Variants in CRMP1 observed in about 807,000 individuals in gnomAD.
The protein encoded by CRMP1 is collapsin response mediator protein 1, also known as dihydropyrimidinase-related protein 1.
CRMP1 carries 19 observed loss-of-function variants against 68.3 expected under a neutral mutation model. The ratio of observed to expected loss-of-function variants is 0.28; its 90% CI spans 0.19 to 0.41. The LOEUF (loss-of-function observed/expected upper bound fraction) is 0.41, where lower values mean the gene tolerates loss of function less well. CRMP1 is among the 10% of genes least tolerant of loss of function. The pLI, the probability that CRMP1 is intolerant of heterozygous loss-of-function variation, is 1.00. For synonymous variants in CRMP1, 439 were observed against 399.6 expected, an observed-to-expected ratio of 1.10 and a Z score of -1.18; for missense variants, 791 against 967.4, an observed-to-expected ratio of 0.82 and a Z score of 2.42.
chr4:5,860,877 C>G lies in CRMP1; in HGVS notation c.655+149G>C. 2.7e-6 allele frequency: 2 copies of G among 747,792 alleles called. No individual in the cohort carries two copies. The highest frequency in any genetic ancestry group is 4.2e-6 in the Non-Finnish European group (2 of 475,510). The allele number at this position is 747,792 out of a possible 1,614,324, so 46.3% of individuals were successfully genotyped here. ...GGCACACACGGTATGCTCTGTAAAA[C>G]AGTGACCTGTGTCATAGGGCTGGGG... On this transcript the variant is annotated intron_variant, in intron 3 of 13. Coordinates refer to ENST00000324989, the MANE Select transcript of CRMP1 (RefSeq NM_001014809.3). This position sits in a 1 kb window ranked among gnomAD's most constrained non-coding sequence, Gnocchi z 4.2.
At position 5,892,569 on chromosome 4, in the gene CRMP1, C is replaced by T. The variant is rs557047592; in HGVS notation, c.381+20G>A. 3.7e-4 allele frequency: 429 copies of T among 1,174,036 alleles called. 2 individuals are homozygous for T. The East Asian group carries it at 0.015, about 42-fold the overall frequency. 72.7% of individuals were successfully genotyped at this position (1,174,036 alleles called of 1,614,324 possible). A position where few individuals can be genotyped will look rare whatever the true frequency, so the allele number is the denominator to read the frequency against. ...CGGGGCCCGCCCCCCTCGTCTGGCC[C>T]GCGCGCGCCCCGAGGGTACCTGGCC... On this transcript the variant is annotated intron_variant, in intron 1 of 13. Transcript: ENST00000324989. The surrounding 1 kb of genome is among the most constrained non-coding windows in gnomAD (Gnocchi z 8.6).
At chr4:5,835,866 T>C (rs770223786) in intron 11 of CRMP1, 49 bp downstream of exon 11, 3 of 1,376,996 alleles carry the variant, frequency 2.2e-6, no homozygotes, top group Admixed American at 2.8e-5. Flanking sequence ...TAAAAATGAT[T>C]ACAACGAAGA....
intron 4 of CRMP1, among the ~76,000 whole-genome samples, chr4:5,852,462 C>T (rs370809153): frequency 3.7e-4 from 56 of 152,362 alleles, no homozygotes; most frequent in East Asian, 2.3e-3. Flanking sequence ...GGAAACCAGG[C>T]GTGTTCCTCC....
At chr4:5,887,310 G>C (rs1715658456) in intron 1 of CRMP1, 1 of 974,666 alleles carries the variant, frequency 1.0e-6, no homozygotes, top group African/African-American at 1.8e-5. Flanking sequence ...GTCTCCAGTA[G>C]TCAAACCTCT....
At chr4:5,823,041 T>A (rs529085267) in intron 13 of CRMP1, among the ~76,000 whole-genome samples, 2 of 152,246 alleles carry the variant, frequency 1.3e-5, no homozygotes, top group East Asian at 1.9e-4. Context: ...TCTTGGTGAA[T>A]TTTTTTTACT....
In CRMP1 at chr4:5,883,315, T is replaced by G. The variant is rs1356624332; in HGVS notation, c.381+9274A>C. Among the ~76,000 whole-genome samples the G allele has an allele frequency of 6.6e-6, 1 of 151,388 alleles. No homozygotes were observed. Among genetic ancestry groups the G allele is most frequent in the Admixed American group, 6.6e-5 (1 of 15,200 alleles). On this transcript the variant is annotated intron_variant, in intron 1 of 13. Coordinates refer to ENST00000324989, the MANE Select transcript of CRMP1 (RefSeq NM_001014809.3). The surrounding 1 kb of genome is among the most constrained non-coding windows in gnomAD (Gnocchi z 4.5). Reference sequence around the variant, plus strand: ...ATCTTTCTCTTTCTTTCTTCTTTTTTGTTTGAGAGAGTCTCATTCTGTCGC... The same window carrying G: ...ATCTTTCTCTTTCTTTCTTCTTTTTGGTTTGAGAGAGTCTCATTCTGTCGC...
In CRMP1 at chr4:5,891,223, T is replaced by C. The variant is rs1715936316; in HGVS notation, c.381+1366A>G. On this transcript the variant is annotated intron_variant, in intron 1 of 13. Coordinates refer to ENST00000324989, the MANE Select transcript of CRMP1 (RefSeq NM_001014809.3). This position sits in a 1 kb window ranked among gnomAD's most constrained non-coding sequence, Gnocchi z 5.2. Reference sequence around the variant, plus strand: ...ACACACACACACACACCCTTGCTGTTGGACCTCTCCCTCGCGAGGCTCCGG... The same window carrying C: ...ACACACACACACACACCCTTGCTGTCGGACCTCTCCCTCGCGAGGCTCCGG... Among the ~76,000 whole-genome samples the C allele has an allele frequency of 1.0e-5, 1 of 97,982 alleles. No individual in the cohort carries two copies. Among genetic ancestry groups the C allele is most frequent in the Non-Finnish European group, 2.4e-5 (1 of 41,398 alleles). The allele number at this position is 97,982 out of a possible 152,430, so 64.3% of individuals were successfully genotyped here. A position where few individuals can be genotyped will look rare whatever the true frequency, so the allele number is the denominator to read the frequency against.
chr4:5,837,954 G>A (rs1720840755), intron 9 of CRMP1, among the ~76,000 whole-genome samples: 2 of 152,194 alleles, frequency 1.3e-5, no homozygotes, highest in African/African-American at 2.4e-5. Flanking sequence ...TGAGGGATGG[G>A]GGAGACTGGC....
At chr4:5,824,963 G>C in intron 13 of CRMP1, 2 of 985,404 alleles carry the variant, frequency 2.0e-6, no homozygotes, top group Non-Finnish European at 2.4e-6. Flanking sequence ...CCAAGTCCTG[G>C]TATTTTGACA....
chr4:5,849,241 C>T (rs942801352), intron 6 of CRMP1, 151 bp downstream of exon 6: 6 of 609,742 alleles, frequency 9.8e-6, no homozygotes, highest in African/African-American at 7.5e-5. Flanking sequence ...AAAGCATTTT[C>T]ATTCATATCT....
chr4:5,873,361 A>G (rs1268941446), intron 1 of CRMP1, among the ~76,000 whole-genome samples: 2 of 152,234 alleles, frequency 1.3e-5, no homozygotes, highest in African/African-American at 4.8e-5. Context: ...ACAATGCCAT[A>G]AAGAAATGCC....
chr4:5,845,034 T>G (rs1712086589), intron 6 of CRMP1, among the ~76,000 whole-genome samples: 1 of 152,226 alleles, frequency 6.6e-6, no homozygotes, highest in East Asian at 1.9e-4. Context: ...TAGAAAAAGC[T>G]AGTGCTATGC....
At chr4:5,852,729 G>T (rs966192759) in intron 4 of CRMP1, among the ~76,000 whole-genome samples, 1 of 152,192 alleles carries the variant, frequency 6.6e-6, no homozygotes, top group Non-Finnish European at 1.5e-5. Flanking sequence ...TCGCCATCTG[G>T]GCTGGGGTGT....
chr4:5,876,010 G>A lies in CRMP1; in HGVS notation c.382-9254C>T, dbSNP rs530844512. Among the ~76,000 whole-genome samples the A allele has an allele frequency of 6.0e-3, 918 of 152,034 alleles. 4 individuals are homozygous for A. The highest frequency in any genetic ancestry group is 8.3e-3 in the Non-Finnish European group (563 of 67,988). ...TACTAAAAAATACAAAAAATTAGCC[G>A]AGCATGGTGGCAGGCGCCTGTAGTC... On this transcript the variant is annotated intron_variant, in intron 1 of 13. Transcript: ENST00000324989.
In CRMP1 at chr4:5,828,513, G is replaced by C; in HGVS notation, c.1779C>G (p.Tyr593Ter). The change falls in exon 12 of 14, where the codon TAC becomes TAG. Residue 593 changes from tyrosine (Y) to a stop codon, truncating the protein, a stop_gained. Transcript: ENST00000324989. LOFTEE classifies it high-confidence loss of function. ...IPRKAFPEHL[Y>*]QRVKIRNKVF... ...CCTTATTCCTGATTTTGACGCGCTG[G>C]TACAGGTGCTCCGGGAACGCCTTCC... The C allele has an allele frequency of 6.2e-7, 1 of 1,614,240 alleles. No homozygotes were observed. The highest frequency in any genetic ancestry group is 8.5e-7 in the Non-Finnish European group (1 of 1,180,028).
At position 5,854,424 on chromosome 4, in the gene CRMP1, T is replaced by A. The variant is rs1420807149; in HGVS notation, c.820+1719A>T. On this transcript the variant is annotated intron_variant, in intron 4 of 13. Transcript: ENST00000324989. This position sits in a 1 kb window ranked among gnomAD's most constrained non-coding sequence, Gnocchi z 4.0. ...GTTTTTTTTTTTTTTTTTTTTTTTT[T>A]AATAGAGTCGTGGTCTCACTATGTT... Among the ~76,000 whole-genome samples, 5 of 92,574 alleles carry A rather than the reference T, an allele frequency of 5.4e-5. No individual in the cohort carries two copies. Among genetic ancestry groups the A allele is most frequent in the East Asian group, 3.6e-4 (1 of 2,752 alleles). The allele number at this position is 92,574 out of a possible 152,430, so 60.7% of individuals were successfully genotyped here.
rs114778781 is a variant in CRMP1, at chr4:5,829,149, G to A, written c.1624-481C>T. 6.7e-3 allele frequency among the ~76,000 whole-genome samples: 1,016 copies of A among 152,158 alleles called. 8 individuals are homozygous for A. Among genetic ancestry groups the A allele is most frequent in the African/African-American group, 0.023 (954 of 41,516 alleles). Reference sequence around the variant, plus strand: ...GGTTCAGATCAATTGACACGATATCGGCACTTACCCCCTCCAGCATTGGGT... The same window carrying A: ...GGTTCAGATCAATTGACACGATATCAGCACTTACCCCCTCCAGCATTGGGT... On this transcript the variant is annotated intron_variant, in intron 11 of 13. Transcript: ENST00000324989.
rs11732548 is a variant in CRMP1, at chr4:5,842,195, G to A, written c.1033-767C>T. 0.35 allele frequency among the ~76,000 whole-genome samples: 52,461 copies of A among 151,564 alleles called. 9,377 individuals carry two copies. Among genetic ancestry groups the A allele is most frequent in the African/African-American group, 0.46 (18,860 of 41,264 alleles). On this transcript the variant is annotated intron_variant, in intron 7 of 13. Coordinates refer to ENST00000324989, the MANE Select transcript of CRMP1 (RefSeq NM_001014809.3). The surrounding 1 kb of genome is among the most constrained non-coding windows in gnomAD (Gnocchi z 4.5). Reference sequence around the variant, plus strand: ...AGAGCTTGCAGTGAGCCAAGATGGCGCCACTTCACTCCAGCCTGGGCGACA... The same window carrying A: ...AGAGCTTGCAGTGAGCCAAGATGGCACCACTTCACTCCAGCCTGGGCGACA...
In CRMP1 at chr4:5,877,736, T is replaced by C. The variant is rs1354264531; in HGVS notation, c.382-10980A>G. Among the ~76,000 whole-genome samples the C allele has an allele frequency of 6.6e-6, 1 of 152,190 alleles. No homozygotes were observed. On this transcript the variant is annotated intron_variant, in intron 1 of 13. Coordinates refer to ENST00000324989, the MANE Select transcript of CRMP1 (RefSeq NM_001014809.3). The surrounding 1 kb of genome is among the most constrained non-coding windows in gnomAD (Gnocchi z 4.3). ...GTCCCCATGGACTGCAGGACTTTTT[T>C]TCCCCCCGATATTATGCCTGTTTCC...
Sources: allele counts gnomAD v4.1 joint callset (sites outside exome capture counted in the v4.1 genomes callset), GRCh38; gene constraint gnomAD v4.1.1; non-coding constraint Gnocchi (gnomAD v3.1); transcripts MANE v1.5; gene names NCBI Gene and HGNC (gene_info 2026-07-23, HGNC 2026-07-21).